Variants in CACNA1C observed in about 807,000 individuals in gnomAD.
CACNA1C encodes the protein voltage-dependent L-type calcium channel subunit alpha-1C.
In CACNA1C, 30 loss-of-function variants were observed where a neutral mutation model predicts 229.0. The ratio of observed to expected loss-of-function variants is 0.13; its 90% CI spans 0.10 to 0.18. CACNA1C has a LOEUF of 0.18. Among genes scored for constraint, CACNA1C ranks in the 10% least tolerant of loss-of-function variants. CACNA1C has a pLI of 1.00. For synonymous variants in CACNA1C, 1,114 were observed against 1,132.5 expected (o/e 0.98, Z 0.33); for missense variants, 1,658 against 2,845.0 (o/e 0.58, Z 9.49).
chr12:2,206,205 A>G (rs924877310), intron 3 of CACNA1C, among the ~76,000 whole-genome samples: 3 of 152,202 alleles, frequency 2.0e-5, no homozygotes, highest in East Asian at 1.9e-4. Flanking sequence ...AAGGAGCTCC[A>G]GGAGACTTAC....
chr12:2,673,465 T>TA (rs527320564), intron 38 of CACNA1C, among the ~76,000 whole-genome samples: 10,058 of 100,638 alleles, frequency 0.1, 558 homozygotes, highest in Admixed American at 0.17. Flanking sequence ...AACTTCCGTC[T>TA]AAAAAAAAAA....
intron 3 of CACNA1C, among the ~76,000 whole-genome samples, chr12:2,422,940 A>C (rs1158427107): frequency 6.6e-6 from 1 of 152,148 alleles, no homozygotes; most frequent in African/African-American, 2.4e-5. Flanking sequence ...CTGTCATCTG[A>C]GTGGGATCGT....
In CACNA1C at chr12:2,634,364, C is replaced by T; in HGVS notation, c.3896C>T (p.Ala1299Val). 1 of 1,576,100 alleles carries T rather than the reference C, an allele frequency of 6.3e-7. No homozygotes were observed. Among genetic ancestry groups the T allele is most frequent in the Non-Finnish European group, 8.6e-7 (1 of 1,156,622 alleles). The change falls in exon 30 of 47, where the codon GCA becomes GTA. Residue 1299 changes from alanine (A) to valine (V), a missense_variant. Ala to Val is a moderately conservative substitution (Grantham distance 64). Transcript: ENST00000399655. Reference protein sequence around the residue: ...LIVVGSIVDIAITEVNPAEHT... With the variant: ...LIVVGSIVDIVITEVNPAEHT... The stretch of plus-strand genomic sequence containing the variant: ...GTTGTGGGTAGCATTGTTGATATAG[C>T]AATCACCGAGGTAAACGTAAGTACA...
intron 3 of CACNA1C, among the ~76,000 whole-genome samples, chr12:2,156,110 A>T (rs1361840940): frequency 6.6e-6 from 1 of 152,200 alleles, no homozygotes. Flanking sequence ...CTGTTAAGCT[A>T]AAAATGGGCC....
intron 1 of CACNA1C, among the ~76,000 whole-genome samples, chr12:2,025,614 C>T (rs2047189110): frequency 6.6e-6 from 1 of 152,160 alleles, no homozygotes; most frequent in Non-Finnish European, 1.5e-5. Context: ...AATGCTGTTC[C>T]ATCTTCTGTC....
intron 6 of CACNA1C, among the ~76,000 whole-genome samples, chr12:2,490,705 A>G (rs758609906): frequency 1.8e-4 from 28 of 152,096 alleles, no homozygotes; most frequent in Admixed American, 7.9e-4. Context: ...CCTTTTTTGT[A>G]GCATCACATC....
Position 2,605,873 on chromosome 12 carries a change from A to G in CACNA1C, c.3156+87A>G, listed in dbSNP as rs1373857289. 2 of 935,384 alleles carry G rather than the reference A, an allele frequency of 2.1e-6. No individual in the cohort carries two copies. Among genetic ancestry groups the G allele is most frequent in the Non-Finnish European group, 1.7e-6 (1 of 573,922 alleles). The allele number at this position is 935,384 out of a possible 1,614,324, so 57.9% of individuals were successfully genotyped here. Reference sequence around the variant, plus strand: ...GGAACTGGCAGATATAGTACAAACGAGACAGTGTCCTGAGCCAGACTTGGC... The same window carrying G: ...GGAACTGGCAGATATAGTACAAACGGGACAGTGTCCTGAGCCAGACTTGGC... On this transcript the variant is annotated intron_variant, in intron 24 of 46. Transcript: ENST00000399655. The surrounding 1 kb of genome is among the most constrained non-coding windows in gnomAD (Gnocchi z 6.2).
upstream of CACNA1C, chr12:2,048,529 A>C (rs1476584565): frequency 6.6e-6 from 1 of 152,236 alleles, no homozygotes; most frequent in Non-Finnish European, 1.5e-5. Flanking sequence ...TACGACCAAC[A>C]CAGAGTGGCT....
chr12:2,550,080 T>C (rs1223595264), intron 10 of CACNA1C, 47 bp downstream of exon 10: 9 of 1,286,064 alleles, frequency 7.0e-6, no homozygotes, highest in Non-Finnish European at 1.0e-5. Flanking sequence ...TTCTGGAGCA[T>C]GGGTGGAAAA....
At chr12:2,177,166 G>T (rs2096671056) in intron 3 of CACNA1C, among the ~76,000 whole-genome samples, 1 of 152,106 alleles carries the variant, frequency 6.6e-6, no homozygotes, top group Admixed American at 6.5e-5. Context: ...ATCTCTCCTT[G>T]CCTGTAACTC....
At chr12:2,271,748 T>C (rs1463268175) in intron 3 of CACNA1C, among the ~76,000 whole-genome samples, 1 of 151,494 alleles carries the variant, frequency 6.6e-6, no homozygotes, top group Non-Finnish European at 1.5e-5. Flanking sequence ...AAAAAAAAAT[T>C]AGCAGAGCAT....
At chr12:2,177,197 G>A (rs913704499) in intron 3 of CACNA1C, among the ~76,000 whole-genome samples, 23 of 152,252 alleles carry the variant, frequency 1.5e-4, no homozygotes, top group Admixed American at 2.0e-4. Flanking sequence ...AAGGCTGCTC[G>A]TGAATTTCTG....
chr12:2,199,983 A>C (rs1339918631), intron 3 of CACNA1C, among the ~76,000 whole-genome samples: 2 of 152,162 alleles, frequency 1.3e-5, no homozygotes, highest in African/African-American at 4.8e-5. Context: ...TGTTCATCGC[A>C]CAATTACTAT....
Position 2,053,450 on chromosome 12 carries a change from C to G in CACNA1C, c.-113C>G. On this transcript the variant is annotated 5_prime_UTR_variant, in exon 1 of 47. In the 5' UTR this introduces an upstream ATG that the reference lacks. Transcript: ENST00000399655. This position sits in a 1 kb window ranked among gnomAD's most constrained non-coding sequence, Gnocchi z 5.8. ...GCTGCAGACCACGGCTTCCTCGAAT[C>G]TTGCGCGAAAGCCGCCGGCCTCGGA... 1.4e-6 allele frequency: 2 copies of G among 1,479,562 alleles called. No homozygotes were observed. Among genetic ancestry groups the G allele is most frequent in the Non-Finnish European group, 1.8e-6 (2 of 1,107,752 alleles). The allele number at this position is 1,479,562 out of a possible 1,614,324, so 91.7% of individuals were successfully genotyped here. A position where few individuals can be genotyped will look rare whatever the true frequency, so the allele number is the denominator to read the frequency against.
At chr12:2,162,210 G>A (rs2095901334) in intron 3 of CACNA1C, among the ~76,000 whole-genome samples, 3 of 152,036 alleles carry the variant, frequency 2.0e-5, no homozygotes, top group African/African-American at 7.2e-5. Flanking sequence ...AAATGGCAAA[G>A]AGGTTGTCCC....
chr12:2,517,343 G>C (rs528580285), intron 9 of CACNA1C, among the ~76,000 whole-genome samples: 4 of 152,236 alleles, frequency 2.6e-5, no homozygotes, highest in Non-Finnish European at 4.4e-5. Context: ...GACTCACACA[G>C]ACTCTAGCAT....
At chr12:2,533,276 C>A (rs2099845299) in intron 9 of CACNA1C, among the ~76,000 whole-genome samples, 1 of 152,206 alleles carries the variant, frequency 6.6e-6, no homozygotes, top group Non-Finnish European at 1.5e-5. Context: ...CACTGCTCAC[C>A]AGTCTCCACA....
At chr12:2,537,990 G>A (rs1421980439) in intron 9 of CACNA1C, among the ~76,000 whole-genome samples, 1 of 149,236 alleles carries the variant, frequency 6.7e-6, no homozygotes, top group Non-Finnish European at 1.5e-5. Flanking sequence ...CCACCTCCCC[G>A]CCAACCCGGC....
intron 34 of CACNA1C, among the ~76,000 whole-genome samples, chr12:2,662,967 T>A (rs1023687830): frequency 1.3e-5 from 2 of 152,128 alleles, no homozygotes; most frequent in Non-Finnish European, 1.5e-5. Context: ...CTACCTCATA[T>A]CAAACATGAA....
Sources: gnomAD v4.1 joint callset for allele counts (sites outside exome capture counted in the v4.1 genomes callset) on GRCh38, gnomAD v4.1.1 for gene constraint, Gnocchi (gnomAD v3.1) non-coding constraint, MANE v1.5 for transcripts, NCBI Gene and HGNC (gene_info 2026-07-23, HGNC 2026-07-21) for gene names.